NUDC: variants seen among roughly 807,000 people sequenced by gnomAD.
NUDC encodes the protein nuclear migration protein nudC.
NUDC carries 14 observed loss-of-function variants against 45.0 expected under a neutral mutation model. That is an observed-to-expected ratio of 0.31 (90% confidence interval 0.21 to 0.49). The LOEUF is 0.49. Among genes scored for constraint, NUDC ranks in the 20% least tolerant of loss-of-function variants. NUDC has a pLI of 0.99. For missense variants in NUDC, 323 were observed against 426.2 expected (o/e 0.76, Z 2.13); for synonymous variants, 153 against 156.7 (o/e 0.98, Z 0.17).
chr1:26,904,896 G>C (rs1441793116), intron 2 of NUDC, among the ~76,000 whole-genome samples: 6 of 149,888 alleles, frequency 4.0e-5, no homozygotes, highest in African/African-American at 1.5e-4. Flanking sequence ...CTGTCGCCCA[G>C]GCAGATCTTG....
intron 2 of NUDC, among the ~76,000 whole-genome samples, chr1:26,936,148 T>C (rs1557678314): frequency 2.0e-4 from 2 of 10,014 alleles, no homozygotes; most frequent in Non-Finnish European, 5.3e-4. Context: ...TATATATATA[T>C]ATATATATAT....
chr1:26,924,873 ATTTATTTTAT>A (rs896932249), intron 2 of NUDC, among the ~76,000 whole-genome samples: 2 of 150,464 alleles, frequency 1.3e-5, no homozygotes, highest in African/African-American at 2.4e-5. Context: ...TTTTACTTTT[ATTTATTTTAT>A]TTTATTTTAT....
At chr1:26,912,345 C>CACTTATTA (rs1190893564) in intron 3 of NUDC, among the ~76,000 whole-genome samples, 1 of 152,116 alleles carries the variant, frequency 6.6e-6, no homozygotes, top group Non-Finnish European at 1.5e-5. Context: ...CCAGCACTGT[C>CACTTATTA]ACTTATTAGC....
intron 2 of NUDC, among the ~76,000 whole-genome samples, chr1:26,933,783 A>G (rs983042183): frequency 1.3e-5 from 2 of 152,172 alleles, no homozygotes; most frequent in African/African-American, 4.8e-5. Context: ...ACTACCACTA[A>G]TAGTACATGA....
At chr1:26,910,709 A>C (rs2082022028) in intron 2 of NUDC, among the ~76,000 whole-genome samples, 1 of 152,204 alleles carries the variant, frequency 6.6e-6, no homozygotes, top group Non-Finnish European at 1.5e-5. Context: ...CCCACCCTTC[A>C]GGTCACTCAC....
At chr1:26,924,936 AG>A (rs2082119124) in intron 2 of NUDC, among the ~76,000 whole-genome samples, 1 of 151,426 alleles carries the variant, frequency 6.6e-6, no homozygotes, top group Non-Finnish European at 1.5e-5. Flanking sequence ...GCTGGAGTGC[AG>A]TGGCATAATC....
intron 2 of NUDC, among the ~76,000 whole-genome samples, chr1:26,925,930 C>G (rs2082128473): frequency 6.6e-6 from 1 of 151,830 alleles, no homozygotes; most frequent in Non-Finnish European, 1.5e-5. Flanking sequence ...CCATGTTGGC[C>G]AGGCTGGTCT....
intron 3 of NUDC, chr1:26,913,377 T>C (rs1332833083): frequency 6.2e-7 from 1 of 1,610,840 alleles, no homozygotes; most frequent in Non-Finnish European, 8.5e-7. Context: ...GCTTCAGCCT[T>C]GCCCCCCACC....
intron 3 of NUDC, chr1:26,913,572 C>T (rs267598529): frequency 6.2e-7 from 1 of 1,614,126 alleles, no homozygotes; most frequent in Non-Finnish European, 8.5e-7. Context: ...TGGGCTCCTC[C>T]AGCAGAATCT....
In NUDC at chr1:26,945,381, T is replaced by C; in HGVS notation, c.742-9T>C. On this transcript the variant is annotated splice_polypyrimidine_tract_variant and intron_variant, in intron 6 of 8. Transcript: ENST00000321265. ...GCCACCTCCCACCCTCTGGTTGTTC[T>C]CTTCACAGATCAATAAGATGGAGTG... is the stretch of plus-strand genomic sequence containing the variant. 1 of 1,613,634 alleles carries C rather than the reference T, an allele frequency of 6.2e-7. No homozygotes were observed. The highest frequency in any genetic ancestry group is 8.5e-7 in the Non-Finnish European group (1 of 1,179,594).
At chr1:26,929,425 AC>A (rs931457643) in intron 2 of NUDC, among the ~76,000 whole-genome samples, 4 of 151,400 alleles carry the variant, frequency 2.6e-5, no homozygotes, top group Non-Finnish European at 4.4e-5. Context: ...AAAAAAAAAA[AC>A]AAATTAAAAA....
At position 26,946,244 on chromosome 1, in the gene NUDC, C is replaced by A; in HGVS notation, c.*63C>A. 1 of 1,435,266 alleles carries A rather than the reference C, an allele frequency of 7.0e-7. No homozygotes were observed. Among genetic ancestry groups the A allele is most frequent in the African/African-American group, 1.4e-5 (1 of 71,258 alleles). 88.9% of individuals were successfully genotyped at this position (1,435,266 alleles called of 1,614,324 possible). A position where few individuals can be genotyped will look rare whatever the true frequency, so the allele number is the denominator to read the frequency against. ...TGCAACCACCCAACTTTCTTTCCCA[C>A]TCTTCTCTGGGACTTGTGGGCCTCA... On this transcript the variant is annotated 3_prime_UTR_variant, in exon 9 of 9. Coordinates refer to ENST00000321265, the MANE Select transcript of NUDC (RefSeq NM_006600.4).
chr1:26,943,517 C>T (rs1404088803), intron 6 of NUDC, among the ~76,000 whole-genome samples: 4 of 152,080 alleles, frequency 2.6e-5, no homozygotes, highest in African/African-American at 9.7e-5. Flanking sequence ...GAAAAGAGCT[C>T]GTTGATTTAC....
chr1:26,942,121 ATC>A (rs919031905), intron 4 of NUDC, among the ~76,000 whole-genome samples: 6 of 151,962 alleles, frequency 3.9e-5, no homozygotes, highest in African/African-American at 1.4e-4. Context: ...GTGAAACCCC[ATC>A]TCTACTAAAA....
At chr1:26,922,219 C>A in intron 1 of NUDC, 1 of 518,056 alleles carries the variant, frequency 1.9e-6, no homozygotes, top group Non-Finnish European at 3.5e-6. Flanking sequence ...ACTTTGATGG[C>A]GGCTTCCAAG....
At chr1:26,923,480 T>TC (rs1437734342) in intron 1 of NUDC, among the ~76,000 whole-genome samples, 2 of 152,032 alleles carry the variant, frequency 1.3e-5, no homozygotes, top group African/African-American at 4.8e-5. Flanking sequence ...TTAGCCAGTG[T>TC]CTTTTTTTTT....
At chr1:26,900,344 A>C in exon 1 of NUDC, 1 of 1,614,060 alleles carries the variant, frequency 6.2e-7, no homozygotes, top group Non-Finnish European at 8.5e-7. Flanking sequence ...GGAACTGGCT[A>C]AAATAGCTCC....
At position 26,921,828 on chromosome 1, in the gene NUDC, A is replaced by T; in HGVS notation, c.-21A>T. 1 of 1,549,238 alleles carries T rather than the reference A, an allele frequency of 6.5e-7. No homozygotes were observed. The stretch of plus-strand genomic sequence containing the variant: ...CGGGACTAGAGTGCAGAGCTCCGGG[A>T]CGTGGATCGGAGCCGGCGCGATGGG... On this transcript the variant is annotated 5_prime_UTR_variant, in exon 1 of 9. Coordinates refer to ENST00000321265, the MANE Select transcript of NUDC (RefSeq NM_006600.4).
At chr1:26,944,459 A>G (rs918384061) in intron 6 of NUDC, among the ~76,000 whole-genome samples, 1 of 152,086 alleles carries the variant, frequency 6.6e-6, no homozygotes, top group Admixed American at 6.6e-5. Context: ...TGGCTTCCCA[A>G]AGTGTTGGGA....
Sources: gnomAD v4.1 joint callset for allele counts (sites outside exome capture counted in the v4.1 genomes callset) on GRCh38, gnomAD v4.1.1 for gene constraint, MANE v1.5 for transcripts, NCBI Gene and HGNC (gene_info 2026-07-23, HGNC 2026-07-21) for gene names.